Variants in ITGA1 observed in about 807,000 individuals in gnomAD.
ITGA1 encodes the protein integrin subunit alpha 1, also known as integrin alpha-1.
Under a neutral mutation model 145.9 loss-of-function variants are expected in ITGA1, and 85 were observed. That is an observed-to-expected ratio of 0.58 (90% CI 0.49 to 0.70). The LOEUF (loss-of-function observed/expected upper bound fraction) is 0.70. Among genes scored for constraint, ITGA1 ranks in the 30% least tolerant of loss-of-function variants. The pLI, the probability that ITGA1 is intolerant of heterozygous loss-of-function variation, is 0.00. For synonymous variants in ITGA1, 520 were observed against 495.3 expected (o/e 1.05, Z -0.66); for missense variants, 1,351 against 1,418.7 (o/e 0.95, Z 0.77).
intron 14 of ITGA1, among the ~76,000 whole-genome samples, chr5:52,914,614 G>A (rs1026105133): frequency 1.7e-4 from 26 of 151,748 alleles, no homozygotes; most frequent in African/African-American, 6.1e-4. Context: ...AAAAAGGGGG[G>A]GAAATACTTT....
chr5:52,886,839 C>T (rs940537095), intron 7 of ITGA1, among the ~76,000 whole-genome samples: 33 of 152,134 alleles, frequency 2.2e-4, no homozygotes, highest in African/African-American at 7.0e-4. Flanking sequence ...AATGCAGTGG[C>T]GCGATCTTGG....
rs2111778105 is a variant in ITGA1 at position 52,865,826 on chromosome 5, C to T, written c.624+9C>T. 2 of 1,558,382 alleles carry T rather than the reference C, an allele frequency of 1.3e-6. No homozygotes were observed. Among genetic ancestry groups the T allele is most frequent in the Non-Finnish European group, 1.7e-6 (2 of 1,160,596 alleles). ...GTCCTAAACAGACACAGGTATGTGA[C>T]TTTGTGTTTTGATTTCTGTTGTTCT... On this transcript the variant is annotated intron_variant, in intron 6 of 28. Coordinates refer to ENST00000282588, the MANE Select transcript of ITGA1 (RefSeq NM_181501.2).
At chr5:52,911,785 A>ATACTATATATATG (rs1750547426) in intron 14 of ITGA1, among the ~76,000 whole-genome samples, 1 of 131,504 alleles carries the variant, frequency 7.6e-6, no homozygotes, top group Non-Finnish European at 1.6e-5. Flanking sequence ...CTATATATAT[A>ATACTATATATATG]GTGTATCTAC....
At chr5:52,927,496 C>G (rs1750828917) in intron 19 of ITGA1, 88 bp from the exon 20 acceptor site, 1 of 868,494 alleles carries the variant, frequency 1.2e-6, no homozygotes, top group Non-Finnish European at 1.8e-6. Flanking sequence ...AGGCAGTCAC[C>G]AAGACACATC....
intron 27 of ITGA1, among the ~76,000 whole-genome samples, chr5:52,946,082 T>C (rs1271239224): frequency 6.6e-6 from 1 of 152,220 alleles, no homozygotes; most frequent in Non-Finnish European, 1.5e-5. Flanking sequence ...CCTGGAAATA[T>C]TTATTCTACA....
rs985537889 is a variant in ITGA1, at chr5:52,957,332, G to C, written c.*4881G>C. The C allele has an allele frequency of 6.6e-6, 1 of 151,504 alleles. No individual in the cohort carries two copies. Among genetic ancestry groups the C allele is most frequent in the Non-Finnish European group, 1.5e-5 (1 of 67,866 alleles). 9.4% of individuals were successfully genotyped at this position (151,504 alleles called of 1,614,324 possible). A position where few individuals can be genotyped will look rare whatever the true frequency, so the allele number is the denominator to read the frequency against. ...CTACTGTTCTTATGCCCCAAGATCT[G>C]CACCTTACATCAGGCACCCGGGAAT... On this transcript the variant is annotated 3_prime_UTR_variant, in exon 29 of 29. Coordinates refer to ENST00000282588, the MANE Select transcript of ITGA1 (RefSeq NM_181501.2).
intron 1 of ITGA1, among the ~76,000 whole-genome samples, chr5:52,789,843 G>A (rs1209565249): frequency 6.6e-6 from 1 of 152,142 alleles, no homozygotes; most frequent in Non-Finnish European, 1.5e-5. Context: ...GATGAAATGA[G>A]GTTTGCGTAT....
In ITGA1 at chr5:52,801,334, C is replaced by T. The variant is rs1427228450; in HGVS notation, c.61+12920C>T. On this transcript the variant is annotated intron_variant, in intron 1 of 28. Transcript: ENST00000282588. ...TATGAAGCCTTACTAGCGCTTTTGG[C>T]TTTAAGCCTTTGTGAGCTGATTAAT... The T allele has an allele frequency of 3.7e-6, 5 of 1,335,732 alleles. No individual in the cohort carries two copies. In the African/African-American group the frequency reaches 4.4e-5, roughly 12 times the overall value. 82.7% of individuals were successfully genotyped at this position (1,335,732 alleles called of 1,614,324 possible).
chr5:52,835,041 G>A (rs1749142443), intron 1 of ITGA1, among the ~76,000 whole-genome samples: 1 of 152,124 alleles, frequency 6.6e-6, no homozygotes, highest in Non-Finnish European at 1.5e-5. Flanking sequence ...CTGCACAGGG[G>A]ATTTCTGGGA....
rs1333627417 is a variant in ITGA1, at chr5:52,944,875, C to T, written c.3286-68C>T. On this transcript the variant is annotated intron_variant, in intron 26 of 28. Coordinates refer to ENST00000282588, the MANE Select transcript of ITGA1 (RefSeq NM_181501.2). Reference sequence around the variant, plus strand: ...AATCTTAGCTTTTATAAATGTCCTACTCAAACATGACTAGCTCTCATTTTG... The same window carrying T: ...AATCTTAGCTTTTATAAATGTCCTATTCAAACATGACTAGCTCTCATTTTG... 5.5e-6 allele frequency: 6 copies of T among 1,090,308 alleles called. No homozygotes were observed. The South Asian group carries it at 8.2e-5, about 15-fold the overall frequency. 67.5% of individuals were successfully genotyped at this position (1,090,308 alleles called of 1,614,324 possible). A position where few individuals can be genotyped will look rare whatever the true frequency, so the allele number is the denominator to read the frequency against.
chr5:52,936,476 T>A (rs570056259), intron 23 of ITGA1, among the ~76,000 whole-genome samples: 4 of 152,224 alleles, frequency 2.6e-5, no homozygotes, highest in Non-Finnish European at 4.4e-5. Context: ...GAAGGCTCAG[T>A]TGGGTAGATC....
Position 52,938,758 on chromosome 5 carries a change from G to A in ITGA1, c.3079-832G>A, listed in dbSNP as rs117779007. On this transcript the variant is annotated intron_variant, in intron 24 of 28. Coordinates refer to ENST00000282588, the MANE Select transcript of ITGA1 (RefSeq NM_181501.2). ...AACATCTATAGGGCTGTCTGCTTACGTCTACCTCCCATGTAGACTGAGTGT... is the reference window on the plus strand; with the variant it reads ...AACATCTATAGGGCTGTCTGCTTACATCTACCTCCCATGTAGACTGAGTGT... Among the ~76,000 whole-genome samples the A allele has an allele frequency of 2.8e-3, 424 of 152,122 alleles. 3 individuals carry two copies. Among genetic ancestry groups the A allele is most frequent in the South Asian group, 0.027 (130 of 4,818 alleles).
At chr5:52,800,253 C>T (rs1212263687) in intron 1 of ITGA1, 30 of 767,262 alleles carry the variant, frequency 3.9e-5, no homozygotes, top group Non-Finnish European at 1.5e-5. Context: ...TCGAAGCAAG[C>T]GTGTTTCCTT....
In ITGA1 at chr5:52,956,652, A is replaced by G. The variant is rs1252773637; in HGVS notation, c.*4201A>G. On this transcript the variant is annotated 3_prime_UTR_variant, in exon 29 of 29. Coordinates refer to ENST00000282588, the MANE Select transcript of ITGA1 (RefSeq NM_181501.2). ...CATTTACAAACTGTTATGGGACACT[A>G]TCAGCAACTACGCCTGGGGAAGCTA... The G allele has an allele frequency of 6.6e-6, 1 of 152,256 alleles. No individual in the cohort carries two copies. Among genetic ancestry groups the G allele is most frequent in the African/African-American group, 2.4e-5 (1 of 41,460 alleles). 9.4% of individuals were successfully genotyped at this position (152,256 alleles called of 1,614,324 possible). A position where few individuals can be genotyped will look rare whatever the true frequency, so the allele number is the denominator to read the frequency against.
intron 16 of ITGA1, 139 bp from the exon 17 acceptor site, chr5:52,920,193 T>G: frequency 3.3e-6 from 2 of 613,862 alleles, no homozygotes; most frequent in Admixed American, 3.5e-5. Flanking sequence ...GTTATAACAG[T>G]GTGGATATGC....
At chr5:52,813,313 C>A (rs1748713606) in intron 1 of ITGA1, among the ~76,000 whole-genome samples, 1 of 152,142 alleles carries the variant, frequency 6.6e-6, no homozygotes, top group African/African-American at 2.4e-5. Context: ...TCTTTGCCTC[C>A]ATTTAATCAT....
chr5:52,877,394 G>A (rs1050901375), intron 6 of ITGA1, among the ~76,000 whole-genome samples: 6 of 152,066 alleles, frequency 3.9e-5, no homozygotes, highest in Admixed American at 1.3e-4. Flanking sequence ...CTCTGGAGTC[G>A]GGCTCCAACA....
chr5:52,930,703 C>T (rs969253975), intron 21 of ITGA1, among the ~76,000 whole-genome samples: 1 of 151,982 alleles, frequency 6.6e-6, no homozygotes, highest in Non-Finnish European at 1.5e-5. Context: ...TGAATAGCAC[C>T]AGGTGGAGCA....
intron 1 of ITGA1, among the ~76,000 whole-genome samples, chr5:52,829,618 G>GTT (rs552124949): frequency 6.6e-6 from 1 of 150,386 alleles, no homozygotes; most frequent in African/African-American, 2.4e-5. Flanking sequence ...TCTGTTGTGG[G>GTT]TTTTTTTTTC....
Sources: allele counts gnomAD v4.1 joint callset (sites outside exome capture counted in the v4.1 genomes callset), GRCh38; gene constraint gnomAD v4.1.1; transcripts MANE v1.5; gene names NCBI Gene and HGNC (gene_info 2026-07-23, HGNC 2026-07-21).